The following FBXO34 variants were observed in gnomAD, a reference collection of about 807,000 sequenced individuals.
The protein encoded by FBXO34 is F-box protein 34.
A neutral mutation model predicts 24.5 loss-of-function variants in FBXO34; 12 were observed. That is an observed-to-expected ratio of 0.49 (90% CI 0.31 to 0.79). The LOEUF (loss-of-function observed/expected upper bound fraction) is 0.79, where lower values mean the gene tolerates loss of function less well. Among genes scored for constraint, FBXO34 ranks in the 30% least tolerant of loss-of-function variants. The probability of loss-of-function intolerance (pLI) is 0.04; values close to 1 mark genes in which losing one functional copy is unlikely to be tolerated. For missense variants in FBXO34, 823 were observed against 857.7 expected (o/e 0.96, Z 0.51); for synonymous variants, 320 against 311.9 (o/e 1.03, Z -0.27).
At chr14:55,341,722 T>G (rs969357804) in intron 1 of FBXO34, among the ~76,000 whole-genome samples, 3 of 152,234 alleles carry the variant, frequency 2.0e-5, no homozygotes, top group African/African-American at 7.2e-5. Flanking sequence ...CATTTACCAC[T>G]GGTAGGCTTT....
intron 1 of FBXO34, among the ~76,000 whole-genome samples, chr14:55,282,120 C>T (rs1881570550): frequency 2.0e-5 from 3 of 151,444 alleles, no homozygotes; most frequent in Non-Finnish European, 4.4e-5. Context: ...CCTCAGCCTC[C>T]CGAGCAGCTG....
intron 1 of FBXO34, among the ~76,000 whole-genome samples, chr14:55,338,353 T>G (rs912776513): frequency 3.3e-5 from 5 of 151,982 alleles, no homozygotes; most frequent in Non-Finnish European, 7.4e-5. Flanking sequence ...CCAGCGAGTA[T>G]GGACTTCTTT....
intron 1 of FBXO34, among the ~76,000 whole-genome samples, chr14:55,349,800 T>C (rs1884282993): frequency 1.3e-5 from 2 of 151,834 alleles, no homozygotes; most frequent in South Asian, 2.1e-4. Context: ...AAAGACAGGG[T>C]TTTCCCATGT....
the FBXO34 span, among the ~76,000 whole-genome samples, chr14:55,430,691 A>G: frequency 6.6e-6 from 1 of 152,262 alleles, no homozygotes; most frequent in Middle Eastern, 3.4e-3. Context: ...GCCACTGCAC[A>G]TGGCCATCTG....
At position 55,351,657 on chromosome 14, in the gene FBXO34, C is replaced by G; in HGVS notation, c.1267C>G (p.Gln423Glu). ...ACCTTTTTCCTCTCATACCTATTCCCAAGCCTCTGAATTGCCCACAGATGC... is the reference window on the plus strand; with the variant it reads ...ACCTTTTTCCTCTCATACCTATTCCGAAGCCTCTGAATTGCCCACAGATGC... ...GLPFSSHTYSQASELPTDAVD... is the reference protein window; with the variant it reads ...GLPFSSHTYSEASELPTDAVD... Residue 423 changes from glutamine to glutamate, a missense_variant, in exon 2 of 2, where the codon CAA becomes GAA. Transcript: ENST00000313833. 6.2e-7 allele frequency: 1 copy of G among 1,614,188 alleles called. No individual in the cohort carries two copies. The highest frequency in any genetic ancestry group is 2.2e-5 in the East Asian group (1 of 44,884).
chr14:55,321,552 AC>A (rs1204576294), intron 1 of FBXO34, among the ~76,000 whole-genome samples: 1 of 151,516 alleles, frequency 6.6e-6, no homozygotes, highest in East Asian at 1.9e-4. Context: ...AAATGCCACC[AC>A]CCCCGGCTAA....
intron 1 of FBXO34, among the ~76,000 whole-genome samples, chr14:55,312,112 A>G (rs546851961): frequency 2.0e-5 from 3 of 149,968 alleles, no homozygotes; most frequent in African/African-American, 7.3e-5. Context: ...AGTCAGGAGA[A>G]TCACTTGAAC....
At chr14:55,380,390 C>T in the FBXO34 span, among the ~76,000 whole-genome samples, 1 of 152,190 alleles carries the variant, frequency 6.6e-6, no homozygotes, top group African/African-American at 2.4e-5. Context: ...TCACGTACAA[C>T]TGTAAGATAA....
At chr14:55,371,435 G>C (rs951763828), downstream of FBXO34, among the ~76,000 whole-genome samples, 2 of 152,184 alleles carry the variant, frequency 1.3e-5, no homozygotes, top group Admixed American at 1.3e-4. Flanking sequence ...TCCAGGGACT[G>C]TTTTTAGGGC....
At position 55,352,174 on chromosome 14, in the gene FBXO34, T is replaced by C. The variant is rs984794818; in HGVS notation, c.1784T>C (p.Leu595Ser). Residue 595 changes from leucine to serine, a missense_variant, in exon 2 of 2, where the codon TTA (leucine) becomes TCA (serine). Around this residue, in one of 2 missense-constraint regions of FBXO34, gnomAD observed 130 missense variants for 198.6 expected, o/e 0.65. Coordinates refer to ENST00000313833, the MANE Select transcript of FBXO34 (RefSeq NM_017943.4). ...TTCAGGTTACTTCCCACCAAGAGTT[T>C]AGTGGCCCTTAAATGTACCTGCTGC... ...KIFRLLPTKS[L>S]VALKCTCCYF... 1 of 1,614,152 alleles carries C rather than the reference T, an allele frequency of 6.2e-7. No individual in the cohort carries two copies. Among genetic ancestry groups the C allele is most frequent in the Non-Finnish European group, 8.5e-7 (1 of 1,180,008 alleles).
intron 1 of FBXO34, among the ~76,000 whole-genome samples, chr14:55,329,642 T>C (rs1276254514): frequency 6.6e-6 from 1 of 152,338 alleles, no homozygotes; most frequent in South Asian, 2.1e-4. Flanking sequence ...AATGGTGGAA[T>C]AGGATTAAAA....
the FBXO34 span, among the ~76,000 whole-genome samples, chr14:55,442,388 CAAAAAAA>C: frequency 7.2e-6 from 1 of 138,428 alleles, no homozygotes; most frequent in Non-Finnish European, 1.6e-5. Flanking sequence ...GACTCTGTCT[CAAAAAAA>C]AAAAAAAAAT....
At chr14:55,389,707 A>G in the FBXO34 span, among the ~76,000 whole-genome samples, 3 of 152,222 alleles carry the variant, frequency 2.0e-5, no homozygotes, top group Non-Finnish European at 2.9e-5. Context: ...CTGATTTTCA[A>G]TGTGAAAATA....
At chr14:55,349,607 C>CTTTTCT (rs746331001) in intron 1 of FBXO34, among the ~76,000 whole-genome samples, 32 of 116,612 alleles carry the variant, frequency 2.7e-4, no homozygotes, top group African/African-American at 8.4e-4. Flanking sequence ...CAATAATTTT[C>CTTTTCT]TTTTTTTTTT....
At chr14:55,301,707 G>A (rs1256242352) in intron 1 of FBXO34, among the ~76,000 whole-genome samples, 1 of 152,186 alleles carries the variant, frequency 6.6e-6, no homozygotes. Flanking sequence ...TTAGGTACAA[G>A]GCATGTGGCC....
chr14:55,414,231 C>A, the FBXO34 span: 57 of 612,344 alleles, frequency 9.3e-5, no homozygotes, highest in Middle Eastern at 1.0e-3. Context: ...AATTTTTCTT[C>A]GTTTCTTAGG....
intron 1 of FBXO34, among the ~76,000 whole-genome samples, chr14:55,330,645 G>T (rs375124631): frequency 2.0e-5 from 3 of 152,054 alleles, no homozygotes; most frequent in Admixed American, 1.3e-4. Context: ...AAAAAAATTA[G>T]CTGGGAGTGG....
Position 55,351,782 on chromosome 14 carries a change from C to G in FBXO34, c.1392C>G (p.Asp464Glu), listed in dbSNP as rs1254117048. 2 of 1,614,050 alleles carry G rather than the reference C, an allele frequency of 1.2e-6. No individual in the cohort carries two copies. The highest frequency in any genetic ancestry group is 2.2e-5 in the East Asian group (1 of 44,900). ...LCISITVSKV[D>E]KDQPSILNSC... is the part of the protein sequence containing the mutation. ...TTAGTATCACTGTGTCCAAGGTAGA[C>G]AAAGACCAGCCTTCCATTTTAAACT... The change falls in exon 2 of 2, where the codon GAC (aspartate) becomes GAG (glutamate). Residue 464 changes from aspartate to glutamate, a missense_variant. Transcript: ENST00000313833.
At position 55,316,802 on chromosome 14, in the gene FBXO34, C is replaced by T. The variant is rs570610954; in HGVS notation, c.-10-33579C>T. Among the ~76,000 whole-genome samples the T allele has an allele frequency of 3.9e-5, 6 of 151,990 alleles. No individual in the cohort carries two copies. The South Asian group carries it at 6.2e-4, about 16-fold the overall frequency. ...AACCGATTTTCAGACTCAAAGTCCACGGCTCTGCATGACTGGCCAAGTCAC... is the reference window on the plus strand; with the variant it reads ...AACCGATTTTCAGACTCAAAGTCCATGGCTCTGCATGACTGGCCAAGTCAC... On this transcript the variant is annotated intron_variant, in intron 1 of 1. Transcript: ENST00000313833.
Sources: allele counts gnomAD v4.1 joint callset (sites outside exome capture counted in the v4.1 genomes callset), GRCh38; gene constraint gnomAD v4.1.1; regional missense constraint gnomAD v4.1.1; transcripts MANE v1.5; gene names NCBI Gene and HGNC (gene_info 2026-07-23, HGNC 2026-07-21).